The following GABRG1 variants were observed in gnomAD, a reference collection of about 807,000 sequenced individuals.
The protein encoded by GABRG1 is gamma-aminobutyric acid receptor subunit gamma-1.
GABRG1 carries 49 observed loss-of-function variants against 49.8 expected under a neutral mutation model. The ratio of observed to expected loss-of-function variants is 0.98; its 90% CI spans 0.78 to 1.25. The LOEUF (loss-of-function observed/expected upper bound fraction) is 1.25, where lower values mean the gene tolerates loss of function less well. GABRG1 is among the 50% of genes most tolerant of loss of function. The probability of loss-of-function intolerance (pLI) is 0.00; values close to 1 mark genes in which losing one functional copy is unlikely to be tolerated. For synonymous variants in GABRG1, 232 were observed against 185.1 expected (o/e 1.25, Z -2.06); for missense variants, 552 against 552.3 (o/e 1.00, Z 0.01).
At chr4:46,056,785 A>G (rs1718467761) in intron 7 of GABRG1, among the ~76,000 whole-genome samples, 1 of 152,122 alleles carries the variant, frequency 6.6e-6, no homozygotes, top group Non-Finnish European at 1.5e-5. Context: ...GTGCATGTAT[A>G]TTTAAAGCAA....
intron 1 of GABRG1, among the ~76,000 whole-genome samples, chr4:46,117,379 T>G (rs1720930524): frequency 6.6e-6 from 1 of 150,460 alleles, no homozygotes; most frequent in East Asian, 2.0e-4. Flanking sequence ...CATTTCAGGA[T>G]TTCAAAATTA....
At chr4:46,053,211 C>CT (rs200834209) in intron 7 of GABRG1, among the ~76,000 whole-genome samples, 8 of 151,308 alleles carry the variant, frequency 5.3e-5, no homozygotes, top group African/African-American at 1.7e-4. Flanking sequence ...AATTTACTTC[C>CT]TTTTTTGTTA....
rs544267739 is a variant in GABRG1 at position 46,042,236 on chromosome 4, A to G, written c.1132-982T>C. ...ACTGTTTATTCCTGATGAGGCCTAT[A>G]TCACAATTGATTATAAAATTCATGC... On this transcript the variant is annotated intron_variant, in intron 8 of 8. Coordinates refer to ENST00000295452, the MANE Select transcript of GABRG1 (RefSeq NM_173536.4). 5.3e-5 allele frequency among the ~76,000 whole-genome samples: 8 copies of G among 152,104 alleles called. No homozygotes were observed. The East Asian group carries it at 1.5e-3, about 29-fold the overall frequency.
At chr4:46,117,745 T>C (rs1560377113) in intron 1 of GABRG1, among the ~76,000 whole-genome samples, 1 of 143,540 alleles carries the variant, frequency 7.0e-6, no homozygotes, top group African/African-American at 2.5e-5. Context: ...CATATACACA[T>C]ATACATACAT....
At chr4:46,090,955 T>TACACACAC (rs61288916) in intron 2 of GABRG1, among the ~76,000 whole-genome samples, 28 of 131,172 alleles carry the variant, frequency 2.1e-4, no homozygotes, top group Admixed American at 7.0e-4. Flanking sequence ...CACACACACA[T>TACACACAC]ACACACACAC....
At chr4:46,089,161 T>C (rs1719891024) in intron 2 of GABRG1, among the ~76,000 whole-genome samples, 1 of 151,978 alleles carries the variant, frequency 6.6e-6, no homozygotes, top group African/African-American at 2.4e-5. Flanking sequence ...CAGACTAGAT[T>C]GCTGATGAAA....
At chr4:46,051,767 T>A (rs1718233997) in intron 7 of GABRG1, 129 bp from the exon 8 acceptor site, 1 of 570,378 alleles carries the variant, frequency 1.8e-6, no homozygotes, top group African/African-American at 1.9e-5. Flanking sequence ...TAATTTATAT[T>A]AATAATTATT....
chr4:46,059,913 G>A (rs1718608130), intron 5 of GABRG1, among the ~76,000 whole-genome samples: 1 of 152,014 alleles, frequency 6.6e-6, no homozygotes, highest in Non-Finnish European at 1.5e-5. Context: ...GGAACTGCTT[G>A]TTCAATTGCC....
intron 1 of GABRG1, among the ~76,000 whole-genome samples, chr4:46,105,789 G>A (rs188785341): frequency 1.9e-5 from 2 of 103,436 alleles, no homozygotes; most frequent in African/African-American, 6.8e-5. Context: ...TGGGTAGATA[G>A]ATGATAGATA....
intron 3 of GABRG1, among the ~76,000 whole-genome samples, chr4:46,067,794 C>T (rs899789589): frequency 6.6e-6 from 1 of 152,098 alleles, no homozygotes; most frequent in Non-Finnish European, 1.5e-5. Flanking sequence ...CATAGTAATT[C>T]GTATTTACGC....
chr4:46,051,930 G>A (rs968301360), intron 7 of GABRG1, among the ~76,000 whole-genome samples: 1 of 151,668 alleles, frequency 6.6e-6, no homozygotes, highest in African/African-American at 2.4e-5. Flanking sequence ...GCATATGACT[G>A]CCCAGAACAA....
chr4:46,064,548 T>C, intron 4 of GABRG1, 25 bp from the exon 5 acceptor site: 2 of 1,126,944 alleles, frequency 1.8e-6, no homozygotes, highest in Non-Finnish European at 2.5e-6. Context: ...AGAAAAGTAT[T>C]AAATAAAGAT....
intron 3 of GABRG1, among the ~76,000 whole-genome samples, chr4:46,071,800 T>G (rs1719135015): frequency 6.6e-6 from 1 of 152,024 alleles, no homozygotes; most frequent in Non-Finnish European, 1.5e-5. Context: ...AGTTGTAAAA[T>G]GTTTTTAAGC....
rs1717781369 is a variant in GABRG1, at chr4:46,041,460, G to T, written c.1132-206C>A. ...TTGTTACATTCTATTAAGCAGAAAT[G>T]AAATACCCCTGAAAAATAAAATATA... is the stretch of plus-strand genomic sequence containing the variant. On this transcript the variant is annotated intron_variant, in intron 8 of 8. Coordinates refer to ENST00000295452, the MANE Select transcript of GABRG1 (RefSeq NM_173536.4). Among the ~76,000 whole-genome samples the T allele has an allele frequency of 4.0e-5, 6 of 151,836 alleles. No homozygotes were observed. In the South Asian group the frequency reaches 1.2e-3, roughly 32 times the overall value.
In GABRG1 at chr4:46,088,831, G is replaced by GTGTGTT. The variant is rs755908841; in HGVS notation, c.254-4779_254-4778insAACACA. Among the ~76,000 whole-genome samples the GTGTGTT allele has an allele frequency of 7.7e-3, 1,161 of 150,934 alleles. 6 individuals are homozygous for GTGTGTT. Among genetic ancestry groups the GTGTGTT allele is most frequent in the Non-Finnish European group, 0.011 (748 of 67,634 alleles). On this transcript the variant is annotated intron_variant, in intron 2 of 8. Transcript: ENST00000295452. ...TGTGTGTGTTTGTGTGTGTGTGTGT[G>GTGTGTT]TGTGTGTGTGTGTATTCCCAAGAAT...
intron 7 of GABRG1, 75 bp from the exon 8 acceptor site, chr4:46,051,713 T>C (rs1718230916): frequency 3.3e-6 from 3 of 906,998 alleles, no homozygotes; most frequent in East Asian, 2.6e-5. Flanking sequence ...TTTGGCAATA[T>C]TGTGAGTGAA....
At chr4:46,052,665 C>T (rs530585347) in intron 7 of GABRG1, among the ~76,000 whole-genome samples, 48 of 151,936 alleles carry the variant, frequency 3.2e-4, no homozygotes, top group African/African-American at 1.1e-3. Flanking sequence ...AATCCTCATT[C>T]GTTTTCCCAG....
intron 1 of GABRG1, among the ~76,000 whole-genome samples, chr4:46,117,612 C>CTCTATA: frequency 7.1e-6 from 1 of 140,150 alleles, no homozygotes; most frequent in African/African-American, 2.6e-5. Context: ...CTCTCTCTCT[C>CTCTATA]TATATATATA....
chr4:46,098,253 G>A (rs1239285785), intron 1 of GABRG1, among the ~76,000 whole-genome samples: 6 of 151,576 alleles, frequency 4.0e-5, no homozygotes, highest in African/African-American at 7.3e-5. Context: ...ATTCATCAAA[G>A]GTAATAAATT....
Sources: gnomAD v4.1 joint callset for allele counts (sites outside exome capture counted in the v4.1 genomes callset) on GRCh38, gnomAD v4.1.1 for gene constraint, MANE v1.5 for transcripts, NCBI Gene and HGNC (gene_info 2026-07-23, HGNC 2026-07-21) for gene names.